GPATCH8: variants seen among roughly 807,000 people sequenced by gnomAD.
GPATCH8 encodes the protein G patch domain-containing protein 8.
GPATCH8 carries 18 observed loss-of-function variants against 118.3 expected under a neutral mutation model. The ratio of observed to expected loss-of-function variants is 0.15; its 90% confidence interval spans 0.11 to 0.23. GPATCH8 has a LOEUF of 0.23. Ranked by LOEUF, GPATCH8 falls within the 10% of genes least tolerant of loss-of-function variation. GPATCH8 has a pLI of 1.00. For synonymous variants in GPATCH8, 659 were observed against 684.7 expected, an observed-to-expected ratio of 0.96 and a Z score of 0.59; for missense variants, 1,631 against 1,873.8, an observed-to-expected ratio of 0.87 and a Z score of 2.39.
At chr17:44,402,291 C>T (rs1265416389) in intron 7 of GPATCH8, among the ~76,000 whole-genome samples, 2 of 141,352 alleles carry the variant, frequency 1.4e-5, no homozygotes, top group Non-Finnish European at 3.0e-5. Context: ...CACCACTGCA[C>T]TCCAGCCTGG....
intron 2 of GPATCH8, among the ~76,000 whole-genome samples, chr17:44,472,217 T>C (rs1031167264): frequency 1.3e-5 from 2 of 152,322 alleles, no homozygotes; most frequent in South Asian, 2.1e-4. Context: ...GAGTACTATA[T>C]ACTATTTGCT....
intron 1 of GPATCH8, among the ~76,000 whole-genome samples, chr17:44,487,194 G>C (rs778939502): frequency 3.3e-5 from 5 of 152,110 alleles, no homozygotes; most frequent in Non-Finnish European, 7.3e-5. Flanking sequence ...GGCAATCACT[G>C]ATCTTTTTAC....
chr17:44,400,227 A>T lies in GPATCH8; in HGVS notation c.1850T>A (p.Val617Glu), dbSNP rs1230940637. Residue 617 changes from valine to glutamate, a missense_variant, in exon 8 of 8, where the codon GTG becomes GAG. Val to Glu is a moderately radical substitution (Grantham distance 121). Around this residue, in one of 8 missense-constraint regions of GPATCH8, gnomAD observed 6 missense variants for 16.3 expected, o/e 0.37. Coordinates refer to ENST00000591680, the MANE Select transcript of GPATCH8 (RefSeq NM_001002909.4). Reference sequence around the variant, plus strand: ...GGAACGTACTATTTTCTCTCCGCCCACTTCCTTGCTTTTATTTGGCTCACC... The same window carrying T: ...GGAACGTACTATTTTCTCTCCGCCCTCTTCCTTGCTTTTATTTGGCTCACC... ...DPGEPNKSKE[V>E]GGEKIVRSSG... is the part of the protein sequence containing the mutation. The T allele has an allele frequency of 6.2e-7, 1 of 1,613,600 alleles. No homozygotes were observed. Among genetic ancestry groups the T allele is most frequent in the East Asian group, 2.2e-5 (1 of 44,826 alleles).
In GPATCH8 at chr17:44,479,382, C is replaced by T. The variant is rs192941081; in HGVS notation, c.46-4479G>A. Among the ~76,000 whole-genome samples the T allele has an allele frequency of 3.8e-4, 58 of 152,282 alleles. 2 individuals carry two copies. The highest frequency in any genetic ancestry group is 1.3e-3 in the African/African-American group (56 of 41,542). ...CAGTTAGCTAATTAACTTTTCAAAT[C>T]ATTCTGGATCTGTCAGATGCAATAC... On this transcript the variant is annotated intron_variant, in intron 1 of 7. Transcript: ENST00000591680.
rs771642005 is a variant in GPATCH8, at chr17:44,398,573, C to G, written c.3504G>C (p.Arg1168Ser). 10 of 1,565,346 alleles carry G rather than the reference C, an allele frequency of 6.4e-6. No individual in the cohort carries two copies. In the South Asian group the frequency reaches 9.9e-5, roughly 15 times the overall value. The change falls in exon 8 of 8, where the codon AGG becomes AGC. Residue 1168 changes from arginine (R) to serine (S), a missense_variant. Physicochemically the swap from Arg to Ser is moderately radical, Grantham distance 110. Coordinates refer to ENST00000591680, the MANE Select transcript of GPATCH8 (RefSeq NM_001002909.4). ...TCTCTGACTGTTCTTGCTCTTCCCC[C>G]CTTTCCAAGCCAGACTCTTCACACT... ...NKKCEESGLE[R>S]GEEQEQSETE...
chr17:44,417,510 C>G (rs759204816), intron 6 of GPATCH8, among the ~76,000 whole-genome samples: 2 of 152,130 alleles, frequency 1.3e-5, no homozygotes, highest in African/African-American at 2.4e-5. Context: ...TGAGCCACCA[C>G]GCTTGGCCTA....
At chr17:44,472,973 C>A (rs1967417566) in intron 2 of GPATCH8, among the ~76,000 whole-genome samples, 1 of 151,028 alleles carries the variant, frequency 6.6e-6, no homozygotes, top group Non-Finnish European at 1.5e-5. Context: ...GGATTACAGG[C>A]TTGAGCCACC....
chr17:44,420,504 TG>T (rs2049859017), intron 6 of GPATCH8, among the ~76,000 whole-genome samples: 1 of 152,082 alleles, frequency 6.6e-6, no homozygotes, highest in African/African-American at 2.4e-5. Context: ...ACCTACTAGA[TG>T]CCAGTAGTAT....
chr17:44,434,954 A>G, intron 5 of GPATCH8, 111 bp downstream of exon 5: 1 of 733,802 alleles, frequency 1.4e-6, no homozygotes, highest in South Asian at 1.4e-5. Flanking sequence ...AATTACCACC[A>G]AATGTCAAAC....
At position 44,462,205 on chromosome 17, in the gene GPATCH8, C is replaced by A. The variant is rs180980794; in HGVS notation, c.193+2267G>T. ...AGATTTGCTAGCCACTATGAACCAG[C>A]CCCACCTTGTGTGCCTGAACAAAGA... On this transcript the variant is annotated intron_variant, in intron 3 of 7. Coordinates refer to ENST00000591680, the MANE Select transcript of GPATCH8 (RefSeq NM_001002909.4). Among the ~76,000 whole-genome samples, 6 of 152,228 alleles carry A rather than the reference C, an allele frequency of 3.9e-5. No individual in the cohort carries two copies. In the East Asian group the frequency reaches 1.2e-3, roughly 29 times the overall value.
At chr17:44,456,036 A>G (rs4793107) in intron 3 of GPATCH8, among the ~76,000 whole-genome samples, 91,614 of 151,896 alleles carry the variant, frequency 0.6, 27,799 homozygotes, top group Middle Eastern at 0.68. Context: ...CGTGAGCCAT[A>G]GCGCCCAGAC....
chr17:44,474,420 A>T (rs945202530), intron 2 of GPATCH8: 5 of 252,306 alleles, frequency 2.0e-5, no homozygotes, highest in African/African-American at 6.9e-5. Flanking sequence ...TATAACATTT[A>T]AAAAAAAATT....
Position 44,475,585 on chromosome 17 carries a change from T to C in GPATCH8, c.46-682A>G, listed in dbSNP as rs1465775743. ...GGCAGGTGCCTGTAGTCCCAGCTAC[T>C]TGGGAGGCTGAGGCAGGAGAATGGC... On this transcript the variant is annotated intron_variant, in intron 1 of 7. Coordinates refer to ENST00000591680, the MANE Select transcript of GPATCH8 (RefSeq NM_001002909.4). 2.6e-5 allele frequency among the ~76,000 whole-genome samples: 4 copies of C among 151,684 alleles called. No homozygotes were observed. The East Asian group carries it at 7.8e-4, about 29-fold the overall frequency.
At chr17:44,429,734 C>T (rs9906383) in intron 5 of GPATCH8, among the ~76,000 whole-genome samples, 5,590 of 151,658 alleles carry the variant, frequency 0.037, 340 homozygotes, top group African/African-American at 0.13. Context: ...CATGGTGGCA[C>T]GTGTCTGTAA....
At chr17:44,442,279 T>TA (rs2050729624) in intron 3 of GPATCH8, among the ~76,000 whole-genome samples, 1 of 145,380 alleles carries the variant, frequency 6.9e-6, no homozygotes, top group Admixed American at 6.9e-5. Context: ...ATAGGCAAAA[T>TA]AGAGTAATCT....
Position 44,399,269 on chromosome 17 carries a change from G to A in GPATCH8, c.2808C>T (p.Ser936=). 1 of 1,613,990 alleles carries A rather than the reference G, an allele frequency of 6.2e-7. No homozygotes were observed. The highest frequency in any genetic ancestry group is 8.5e-7 in the Non-Finnish European group (1 of 1,179,862). The stretch of plus-strand genomic sequence containing the variant: ...GGCTTCGGGACTGGCTGCAACTGAG[G>A]CTATAGTCATCATCAGAAGATGAAT... ...HKYSSSDDDY[S]LSCSQSRSRS... Residue 936 remains serine (S), a synonymous_variant, in exon 8 of 8, where the codon AGC becomes AGT. Transcript: ENST00000591680.
intron 3 of GPATCH8, among the ~76,000 whole-genome samples, chr17:44,437,302 C>T (rs1307407007): frequency 1.3e-5 from 2 of 151,998 alleles, no homozygotes; most frequent in African/African-American, 4.8e-5. Flanking sequence ...TTGATCTATG[C>T]TGGATAATTT....
At chr17:44,466,775 G>A (rs533806846) in intron 2 of GPATCH8, among the ~76,000 whole-genome samples, 1 of 152,076 alleles carries the variant, frequency 6.6e-6, no homozygotes, top group Admixed American at 6.6e-5. Context: ...AATAATTCTA[G>A]GAAGGACAAG....
Position 44,401,457 on chromosome 17 carries a change from CATG to C in GPATCH8, c.624-7_624-5del, listed in dbSNP as rs763199938. 1.3e-6 allele frequency: 2 copies of C among 1,582,472 alleles called. No homozygotes were observed. Among genetic ancestry groups the C allele is most frequent in the Non-Finnish European group, 1.7e-6 (2 of 1,151,108 alleles). Reference sequence around the variant, plus strand: ...CATGGGACCACTTCCAGGTGCACTACATGATGATTTAGAAAAATAAAAAACAAA... The same window carrying C: ...CATGGGACCACTTCCAGGTGCACTACATGATTTAGAAAAATAAAAAACAAA... On this transcript the variant is annotated splice_region_variant and splice_polypyrimidine_tract_variant and intron_variant, in intron 7 of 7. Transcript: ENST00000591680.
Sources: gnomAD v4.1 joint callset for allele counts (sites outside exome capture counted in the v4.1 genomes callset) on GRCh38, gnomAD v4.1.1 for gene constraint, gnomAD v4.1.1 regional missense constraint, MANE v1.5 for transcripts, NCBI Gene and HGNC (gene_info 2026-07-23, HGNC 2026-07-21) for gene names.